Variants in PDE1A observed in about 807,000 individuals in gnomAD.
PDE1A encodes dual specificity calcium/calmodulin-dependent 3',5'-cyclic nucleotide phosphodiesterase 1A.
PDE1A carries 35 observed loss-of-function variants against 61.7 expected under a neutral mutation model. The ratio of observed to expected loss-of-function variants is 0.57; its 90% CI spans 0.43 to 0.75. The LOEUF (loss-of-function observed/expected upper bound fraction) is 0.75. Ranked by LOEUF, PDE1A falls within the 30% of genes least tolerant of loss-of-function variation. The pLI, the probability that PDE1A is intolerant of heterozygous loss-of-function variation, is 0.00. For missense variants in PDE1A, 597 were observed against 630.6 expected (o/e 0.95, Z 0.57); for synonymous variants, 232 against 213.2 (o/e 1.09, Z -0.77).
chr2:182,437,159 A>T (rs1189826394), intron 2 of PDE1A, among the ~76,000 whole-genome samples: 1 of 151,928 alleles, frequency 6.6e-6, no homozygotes, highest in East Asian at 1.9e-4. Flanking sequence ...TATAATCTTC[A>T]TTGAACAAAA....
chr2:182,177,193 G>A (rs919323893), intron 13 of PDE1A, among the ~76,000 whole-genome samples: 27 of 151,878 alleles, frequency 1.8e-4, no homozygotes, highest in Non-Finnish European at 2.6e-4. Context: ...GAATGATGCT[G>A]GCCTCATAAA....
At chr2:182,275,220 T>G (rs1693319911) in intron 1 of PDE1A, among the ~76,000 whole-genome samples, 1 of 152,056 alleles carries the variant, frequency 6.6e-6, no homozygotes, top group Non-Finnish European at 1.5e-5. Flanking sequence ...CAGTGGGGAC[T>G]GCCCACGGCA....
intron 1 of PDE1A, among the ~76,000 whole-genome samples, chr2:182,296,992 G>T (rs992454519): frequency 8.5e-5 from 13 of 152,138 alleles, no homozygotes; most frequent in African/African-American, 2.9e-4. Context: ...TTCAGACCTG[G>T]ACTGGAATTA....
At chr2:182,342,594 A>G (rs2125047743) in intron 1 of PDE1A, among the ~76,000 whole-genome samples, 1 of 152,324 alleles carries the variant, frequency 6.6e-6, no homozygotes, top group African/African-American at 2.4e-5. Context: ...GAGGCAGGAG[A>G]ATCACTTGAA....
intron 1 of PDE1A, among the ~76,000 whole-genome samples, chr2:182,394,791 T>C (rs898685094): frequency 1.3e-5 from 2 of 152,202 alleles, no homozygotes; most frequent in Non-Finnish European, 2.9e-5. Context: ...ATTGGCTCCC[T>C]GACTTGTAGG....
intron 2 of PDE1A, among the ~76,000 whole-genome samples, chr2:182,516,355 G>C (rs1040932212): frequency 6.6e-6 from 1 of 151,680 alleles, no homozygotes; most frequent in Non-Finnish European, 1.5e-5. Context: ...TCCACTTTTC[G>C]AGCCTTTGTG....
chr2:182,234,024 A>G (rs975662084), intron 4 of PDE1A, among the ~76,000 whole-genome samples: 6 of 152,110 alleles, frequency 3.9e-5, no homozygotes, highest in Non-Finnish European at 7.4e-5. Flanking sequence ...TTCCTTCTGT[A>G]TGTTTTGTCA....
the PDE1A span, among the ~76,000 whole-genome samples, chr2:182,555,394 G>T: frequency 6.6e-6 from 1 of 152,126 alleles, no homozygotes; most frequent in Non-Finnish European, 1.5e-5. Context: ...AATCGGTGTG[G>T]ATGCCACCTG....
At chr2:182,147,886 T>C (rs1322121877) in intron 13 of PDE1A, among the ~76,000 whole-genome samples, 1 of 152,222 alleles carries the variant, frequency 6.6e-6, no homozygotes. Context: ...GTAAAGATAT[T>C]CTAACAATTA....
At chr2:182,298,174 G>A (rs898155804) in intron 1 of PDE1A, among the ~76,000 whole-genome samples, 9 of 152,112 alleles carry the variant, frequency 5.9e-5, no homozygotes, top group Non-Finnish European at 1.3e-4. Flanking sequence ...AATACAAATG[G>A]AAGAAGATAC....
downstream of PDE1A, chr2:182,142,876 G>A (rs755472131): frequency 1.3e-5 from 2 of 152,178 alleles, no homozygotes; most frequent in Non-Finnish European, 2.9e-5. Flanking sequence ...AAAAACTTGA[G>A]TGTATTTATT....
At chr2:182,350,000 G>T (rs1362949909) in intron 1 of PDE1A, among the ~76,000 whole-genome samples, 1 of 152,002 alleles carries the variant, frequency 6.6e-6, no homozygotes, top group African/African-American at 2.4e-5. Context: ...CTGGCTCCCA[G>T]ATTAAGAAAG....
intron 2 of PDE1A, among the ~76,000 whole-genome samples, chr2:182,502,355 T>C (rs1481857365): frequency 6.6e-6 from 1 of 151,888 alleles, no homozygotes; most frequent in Non-Finnish European, 1.5e-5. Flanking sequence ...TCTGTGTGTC[T>C]GTGTATCTGT....
the PDE1A span, among the ~76,000 whole-genome samples, chr2:182,570,907 C>G: frequency 2.0e-5 from 3 of 152,168 alleles, no homozygotes; most frequent in East Asian, 3.8e-4. Context: ...CATTTGACAT[C>G]TCTTTGCTTT....
intron 1 of PDE1A, among the ~76,000 whole-genome samples, chr2:182,290,040 C>A (rs1042800028): frequency 2.0e-5 from 3 of 151,592 alleles, no homozygotes; most frequent in African/African-American, 4.8e-5. Flanking sequence ...AAATGCATGC[C>A]ATAGTAACAT....
At chr2:182,500,583 C>T (rs1031714598) in intron 2 of PDE1A, among the ~76,000 whole-genome samples, 4 of 152,110 alleles carry the variant, frequency 2.6e-5, no homozygotes, top group Admixed American at 6.5e-5. Context: ...GGATAAGCAG[C>T]CTGACACTAA....
chr2:182,614,251 C>G, the PDE1A span, among the ~76,000 whole-genome samples: 2 of 152,088 alleles, frequency 1.3e-5, no homozygotes, highest in African/African-American at 4.8e-5. Context: ...ATTACTGAGA[C>G]GCTAAGAACA....
the PDE1A span, among the ~76,000 whole-genome samples, chr2:182,595,312 G>A: frequency 1.3e-5 from 2 of 152,146 alleles, no homozygotes; most frequent in Non-Finnish European, 2.9e-5. Context: ...AGGACCTAAA[G>A]CTCCAACTTC....
At chr2:182,365,734 C>G (rs907433841) in intron 1 of PDE1A, among the ~76,000 whole-genome samples, 10 of 151,940 alleles carry the variant, frequency 6.6e-5, no homozygotes, top group Non-Finnish European at 1.5e-4. Context: ...GCTGACCCAT[C>G]CCAGAATTCT....
Sources: allele counts gnomAD v4.1 joint callset (sites outside exome capture counted in the v4.1 genomes callset), GRCh38; gene constraint gnomAD v4.1.1; transcripts MANE v1.5; gene names NCBI Gene and HGNC (gene_info 2026-07-23, HGNC 2026-07-21).